PAPPA: variants seen among roughly 807,000 people sequenced by gnomAD.
PAPPA encodes pappalysin-1.
In PAPPA, 60 loss-of-function variants were observed where a neutral mutation model predicts 164.0. That is an observed-to-expected ratio of 0.37 (90% confidence interval 0.30 to 0.45). PAPPA has a LOEUF of 0.45. PAPPA is among the 20% of genes least tolerant of loss of function. The probability of loss-of-function intolerance (pLI) is 1.00; values close to 1 mark genes in which losing one functional copy is unlikely to be tolerated. For missense variants in PAPPA, 1,782 were observed against 2,087.3 expected (o/e 0.85, Z 2.85); for synonymous variants, 875 against 814.1 (o/e 1.07, Z -1.27).
intron 9 of PAPPA, among the ~76,000 whole-genome samples, chr9:116,274,268 C>A (rs937453472): frequency 2.6e-5 from 4 of 152,190 alleles, no homozygotes; most frequent in East Asian, 1.9e-4. Context: ...TACAGGAAAG[C>A]CTTCAGCTAC....
At chr9:116,307,162 C>T (rs1192128156) in intron 10 of PAPPA, among the ~76,000 whole-genome samples, 1 of 152,174 alleles carries the variant, frequency 6.6e-6, no homozygotes, top group Non-Finnish European at 1.5e-5. Context: ...CAGGTGAGAC[C>T]TAGGTATGCC....
rs895581955 is a variant in PAPPA at position 116,187,070 on chromosome 9, C to T, written c.416-84C>T. ...GCGATGAGTCTAGGATAACCTGATA[C>T]AAATTTTATTAGAGAAAAATAACTT... On this transcript the variant is annotated intron_variant, in intron 1 of 21. Coordinates refer to ENST00000328252, the MANE Select transcript of PAPPA (RefSeq NM_002581.5). The surrounding 1 kb of genome is among the most constrained non-coding windows in gnomAD (Gnocchi z 4.2). 6.2e-5 allele frequency: 63 copies of T among 1,009,926 alleles called. No homozygotes were observed. In the East Asian group the frequency reaches 1.5e-3, roughly 24 times the overall value. The allele number at this position is 1,009,926 out of a possible 1,614,324, so 62.6% of individuals were successfully genotyped here.
chr9:116,292,050 A>G (rs1159481299), intron 9 of PAPPA, among the ~76,000 whole-genome samples: 2 of 152,180 alleles, frequency 1.3e-5, no homozygotes, highest in African/African-American at 2.4e-5. Context: ...AGGTTCTTGG[A>G]TGCTTACTTA....
chr9:116,267,881 C>CAAAAAAAA (rs61670954), intron 8 of PAPPA, among the ~76,000 whole-genome samples: 1 of 57,588 alleles, frequency 1.7e-5, no homozygotes, highest in Non-Finnish European at 3.3e-5. Context: ...GACTCCGTCT[C>CAAAAAAAA]AAAAAAAAAA....
In PAPPA at chr9:116,194,273, G is replaced by A. The variant is rs889486453; in HGVS notation, c.1478+6057G>A. Among the ~76,000 whole-genome samples the A allele has an allele frequency of 7.0e-4, 106 of 152,260 alleles. 1 individual carries two copies. Among genetic ancestry groups the A allele is most frequent in the African/African-American group, 2.5e-3 (104 of 41,542 alleles). ...CCACATCTATTTGGAAGGAATAATA[G>A]TATCTGACTGCCTGGATCACACAAT... On this transcript the variant is annotated intron_variant, in intron 2 of 21. Transcript: ENST00000328252.
At chr9:116,346,943 G>A in intron 14 of PAPPA, 83 bp from the exon 15 acceptor site, 1 of 1,188,708 alleles carries the variant, frequency 8.4e-7, no homozygotes, top group South Asian at 1.6e-5. Context: ...GAGACTCTGA[G>A]CCGTCACCTT....
rs544800229 is a variant in PAPPA, at chr9:116,396,774, T to A, written c.*158T>A. 1 of 596,678 alleles carries A rather than the reference T, an allele frequency of 1.7e-6. No homozygotes were observed. The highest frequency in any genetic ancestry group is 1.9e-5 in the African/African-American group (1 of 53,812). 37.0% of individuals were successfully genotyped at this position (596,678 alleles called of 1,614,324 possible). On this transcript the variant is annotated 3_prime_UTR_variant, in exon 22 of 22. Coordinates refer to ENST00000328252, the MANE Select transcript of PAPPA (RefSeq NM_002581.5). ...TAATTTTACCCAGGAAGGACTCACA[T>A]TGGGGCGAATGAACCAAGTTTCGCC... is the stretch of plus-strand genomic sequence containing the variant.
chr9:116,260,840 G>GA (rs1844993118), intron 7 of PAPPA, among the ~76,000 whole-genome samples: 1 of 152,174 alleles, frequency 6.6e-6, no homozygotes, highest in East Asian at 1.9e-4. Context: ...AATTAATACA[G>GA]AAAAACAAAG....
At chr9:116,203,026 G>A (rs768789842) in intron 2 of PAPPA, among the ~76,000 whole-genome samples, 13 of 152,154 alleles carry the variant, frequency 8.5e-5, no homozygotes, top group Admixed American at 2.0e-4. Flanking sequence ...GCAGAGTATA[G>A]TGAGAAGTGG....
Position 116,207,510 on chromosome 9 carries a change from A to T in PAPPA, c.1533A>T (p.Thr511=), listed in dbSNP as rs1587952200. Residue 511 remains threonine (T), a synonymous_variant, in exon 3 of 22, where the codon ACA becomes ACT. Transcript: ENST00000328252. ...LKNILKLDGS[T]HLNIFFAKSS... ...ACATTCTTAAATTGGATGGATCAAC[A>T]CATCTCAATATTTTCTTTGCAAAAT... The T allele has an allele frequency of 6.2e-7, 1 of 1,613,178 alleles. No homozygotes were observed. Among genetic ancestry groups the T allele is most frequent in the Non-Finnish European group, 8.5e-7 (1 of 1,179,282 alleles).
chr9:116,319,672 TCA>T (rs1459522303), intron 10 of PAPPA, among the ~76,000 whole-genome samples: 1 of 152,198 alleles, frequency 6.6e-6, no homozygotes, highest in Non-Finnish European at 1.5e-5. Flanking sequence ...TGTGTGGGTC[TCA>T]GTTTTCTCAT....
At chr9:116,222,579 A>T (rs1167103512) in intron 5 of PAPPA, among the ~76,000 whole-genome samples, 1 of 152,132 alleles carries the variant, frequency 6.6e-6, no homozygotes, top group Non-Finnish European at 1.5e-5. Context: ...ATGCTAAGTG[A>T]AATAAGCTAG....
chr9:116,199,525 C>T (rs1844146684), intron 2 of PAPPA, among the ~76,000 whole-genome samples: 1 of 152,146 alleles, frequency 6.6e-6, no homozygotes, highest in South Asian at 2.1e-4. Flanking sequence ...ACCACCTCTA[C>T]TCCATCTCCC....
At chr9:116,217,448 A>G (rs1193253298) in intron 4 of PAPPA, among the ~76,000 whole-genome samples, 2 of 152,148 alleles carry the variant, frequency 1.3e-5, no homozygotes, top group African/African-American at 2.4e-5. Context: ...CAGATGTGCT[A>G]TTTCTAATAT....
Position 116,268,570 on chromosome 9 carries a change from C to A in PAPPA, c.2861+2585C>A, listed in dbSNP as rs78517248. On this transcript the variant is annotated intron_variant, in intron 8 of 21. Coordinates refer to ENST00000328252, the MANE Select transcript of PAPPA (RefSeq NM_002581.5). ...TAAGTCATCAGATTTGGAGCCTCAT[C>A]TACAGCTCATCTCAGCTCATGGTGG... Among the ~76,000 whole-genome samples, 275 of 152,122 alleles carry A rather than the reference C, an allele frequency of 1.8e-3. 9 individuals carry two copies. In the South Asian group the frequency reaches 0.043, roughly 24 times the overall value.
rs372100169 is a variant in PAPPA at position 116,187,821 on chromosome 9, T to C, written c.1083T>C (p.Tyr361=). Reference sequence around the variant, plus strand: ...TGCGCTACCGCGTGGTCAACCTCTATGAAGATGATCATAAGAACCCGACGG... The same window carrying C: ...TGCGCTACCGCGTGGTCAACCTCTACGAAGATGATCATAAGAACCCGACGG... ...KVVRYRVVNL[Y]EDDHKNPTVT... The change falls in exon 2 of 22, where the codon TAT becomes TAC. Residue 361 remains tyrosine, a synonymous_variant. Coordinates refer to ENST00000328252, the MANE Select transcript of PAPPA (RefSeq NM_002581.5). This position sits in a 1 kb window ranked among gnomAD's most constrained non-coding sequence, Gnocchi z 4.2. The C allele has an allele frequency of 1.4e-5, 23 of 1,614,248 alleles. No homozygotes were observed. In the East Asian group the frequency reaches 4.2e-4, roughly 30 times the overall value.
intron 21 of PAPPA, among the ~76,000 whole-genome samples, chr9:116,384,595 C>CT (rs1564251255): frequency 6.6e-6 from 1 of 151,884 alleles, no homozygotes; most frequent in Non-Finnish European, 1.5e-5. Flanking sequence ...TGGATTATTT[C>CT]TTTTTTCTTA....
chr9:116,248,134 C>T (rs2118773158), intron 7 of PAPPA, among the ~76,000 whole-genome samples: 1 of 152,328 alleles, frequency 6.6e-6, no homozygotes, highest in African/African-American at 2.4e-5. Context: ...GACACACACA[C>T]ATCAAGCAGT....
intron 8 of PAPPA, among the ~76,000 whole-genome samples, chr9:116,267,358 T>C (rs985556540): frequency 3.9e-5 from 6 of 152,274 alleles, no homozygotes; most frequent in Non-Finnish European, 5.9e-5. Context: ...CTCATCCACA[T>C]AGACATCAGT....
Sources: allele counts gnomAD v4.1 joint callset (sites outside exome capture counted in the v4.1 genomes callset), GRCh38; gene constraint gnomAD v4.1.1; non-coding constraint Gnocchi (gnomAD v3.1); transcripts MANE v1.5; gene names NCBI Gene and HGNC (gene_info 2026-07-23, HGNC 2026-07-21).